SYN2: variants seen among roughly 807,000 people sequenced by gnomAD.
SYN2 encodes the protein synapsin II, also known as synapsin-2.
Under a neutral mutation model 50.9 loss-of-function variants are expected in SYN2, and 19 were observed. The observed-to-expected ratio is 0.37, with a 90% CI of 0.26 to 0.55. The LOEUF (loss-of-function observed/expected upper bound fraction) is 0.55, where lower values mean the gene tolerates loss of function less well. Among genes scored for constraint, SYN2 ranks in the 20% least tolerant of loss-of-function variants. SYN2 has a pLI of 0.81. For missense variants in SYN2, 587 were observed against 576.4 expected (o/e 1.02, Z -0.19); for synonymous variants, 255 against 224.9 (o/e 1.13, Z -1.20).
At chr3:12,033,825 C>T (rs1694434982) in intron 1 of SYN2, among the ~76,000 whole-genome samples, 1 of 152,226 alleles carries the variant, frequency 6.6e-6, no homozygotes, top group Non-Finnish European at 1.5e-5. Flanking sequence ...GATTCATCCA[C>T]ATTGTATCAT....
intron 1 of SYN2, among the ~76,000 whole-genome samples, chr3:12,096,954 A>G (rs929010162): frequency 9.2e-5 from 14 of 152,256 alleles, no homozygotes; most frequent in African/African-American, 2.9e-4. Context: ...GAGAAAGGAA[A>G]ATAGGAGCAG....
Position 12,080,008 on chromosome 3 carries a change from G to A in SYN2, c.378-60643G>A, listed in dbSNP as rs577623012. The stretch of plus-strand genomic sequence containing the variant: ...TGTTATTGGTCTTTTCAGGGATTCA[G>A]TTTCTTCCTGGTTCAGTCTTGGGAT... On this transcript the variant is annotated intron_variant, in intron 1 of 12. Transcript: ENST00000621198. Among the ~76,000 whole-genome samples the A allele has an allele frequency of 3.3e-3, 500 of 152,036 alleles. 2 individuals carry two copies. Among genetic ancestry groups the A allele is most frequent in the Non-Finnish European group, 5.2e-3 (355 of 67,910 alleles).
At chr3:12,063,862 C>A (rs1003362955) in intron 1 of SYN2, among the ~76,000 whole-genome samples, 2 of 151,910 alleles carry the variant, frequency 1.3e-5, no homozygotes, top group Non-Finnish European at 2.9e-5. Context: ...AAAAATCTAC[C>A]ATGCAGGATA....
intron 10 of SYN2, among the ~76,000 whole-genome samples, chr3:12,177,506 G>A (rs889495171): frequency 1.3e-5 from 2 of 152,138 alleles, no homozygotes; most frequent in Admixed American, 1.3e-4. Context: ...GAGTCTAAAG[G>A]GCTGTCCAGT....
At chr3:12,042,494 C>T (rs1345445130) in intron 1 of SYN2, among the ~76,000 whole-genome samples, 1 of 152,096 alleles carries the variant, frequency 6.6e-6, no homozygotes, top group Non-Finnish European at 1.5e-5. Flanking sequence ...ATGGAATTAT[C>T]CTGGGAGCTC....
At chr3:12,100,984 T>C (rs1057335170) in intron 1 of SYN2, among the ~76,000 whole-genome samples, 1 of 152,118 alleles carries the variant, frequency 6.6e-6, no homozygotes, top group African/African-American at 2.4e-5. Flanking sequence ...CAATAACAAG[T>C]GTTGGTGAAG....
chr3:12,191,213 ACAAGGATCTG>A lies in SYN2; in HGVS notation c.*591_*600del, dbSNP rs1413278004. On this transcript the variant is annotated 3_prime_UTR_variant, in exon 13 of 13. Coordinates refer to ENST00000621198, the MANE Select transcript of SYN2 (RefSeq NM_133625.6). ...CTTGAGTCTGCTGATATTCGGGAGAACAAGGATCTGCAGTTTCCCCTTTTCTCCCCTCTGA... is the reference window on the plus strand; with the variant it reads ...CTTGAGTCTGCTGATATTCGGGAGAACAGTTTCCCCTTTTCTCCCCTCTGA... The A allele has an allele frequency of 1.0e-6, 1 of 980,850 alleles. No individual in the cohort carries two copies. Among genetic ancestry groups the A allele is most frequent in the Non-Finnish European group, 1.2e-6 (1 of 825,802 alleles). 60.8% of individuals were successfully genotyped at this position (980,850 alleles called of 1,614,324 possible).
rs568227871 is a variant in SYN2, at chr3:12,046,640, C to T, written c.377+41712C>T. Among the ~76,000 whole-genome samples the T allele has an allele frequency of 4.6e-5, 7 of 151,810 alleles. No individual in the cohort carries two copies. In the South Asian group the frequency reaches 1.0e-3, roughly 23 times the overall value. Reference sequence around the variant, plus strand: ...TTGGAGGAAGGGAAGAGTGGATGTTCGGAAATTATTAAAAGGCTATTGCAA... The same window carrying T: ...TTGGAGGAAGGGAAGAGTGGATGTTTGGAAATTATTAAAAGGCTATTGCAA... On this transcript the variant is annotated intron_variant, in intron 1 of 12. Coordinates refer to ENST00000621198, the MANE Select transcript of SYN2 (RefSeq NM_133625.6).
chr3:12,175,146 A>G (rs184353811), intron 10 of SYN2, among the ~76,000 whole-genome samples: 2 of 152,340 alleles, frequency 1.3e-5, no homozygotes. Flanking sequence ...TCAACATATG[A>G]TAGCAATTCT....
At chr3:12,182,901 G>A (rs1371639565) in intron 10 of SYN2, among the ~76,000 whole-genome samples, 4 of 152,368 alleles carry the variant, frequency 2.6e-5, no homozygotes, top group African/African-American at 9.6e-5. Flanking sequence ...CTGGGGTTTG[G>A]CGTTGGCCCT....
chr3:12,039,398 C>T (rs1420357818), intron 1 of SYN2, among the ~76,000 whole-genome samples: 2 of 152,128 alleles, frequency 1.3e-5, no homozygotes, highest in Non-Finnish European at 2.9e-5. Context: ...GTTATTTCAC[C>T]AGCTGCTATG....
intron 1 of SYN2, among the ~76,000 whole-genome samples, chr3:12,068,551 T>A (rs1413176052): frequency 2.0e-5 from 3 of 152,256 alleles, no homozygotes; most frequent in African/African-American, 7.2e-5. Context: ...TGAGATATTT[T>A]CTTGAATTCC....
intron 10 of SYN2, among the ~76,000 whole-genome samples, chr3:12,171,583 TG>T (rs1254190834): frequency 2.0e-5 from 3 of 152,322 alleles, no homozygotes; most frequent in East Asian, 3.9e-4. Flanking sequence ...CTTATAAAAG[TG>T]TAAACTTTCA....
intron 1 of SYN2, among the ~76,000 whole-genome samples, chr3:12,135,664 G>A (rs995235786): frequency 2.6e-5 from 4 of 152,164 alleles, no homozygotes; most frequent in African/African-American, 9.7e-5. Context: ...TTCATGTGGA[G>A]GAGGAGAGGA....
At chr3:12,046,587 C>T (rs1057338668) in intron 1 of SYN2, among the ~76,000 whole-genome samples, 2 of 152,060 alleles carry the variant, frequency 1.3e-5, no homozygotes, top group Admixed American at 1.3e-4. Flanking sequence ...GAAATGACTG[C>T]TCTGGCTGCC....
intron 1 of SYN2, among the ~76,000 whole-genome samples, chr3:12,118,832 A>G (rs1696489004): frequency 6.6e-6 from 1 of 152,250 alleles, no homozygotes; most frequent in African/African-American, 2.4e-5. Context: ...AAGCAAAAAA[A>G]CAAAAGAAGT....
Position 12,118,837 on chromosome 3 carries a change from A to G in SYN2, c.378-21814A>G, listed in dbSNP as rs907524369. Among the ~76,000 whole-genome samples, 12 of 152,294 alleles carry G rather than the reference A, an allele frequency of 7.9e-5. No individual in the cohort carries two copies. In the East Asian group the frequency reaches 2.1e-3, roughly 27 times the overall value. ...GTAGTAGCCAAAGCAAAAAAACAAA[A>G]GAAGTGAAAGGATACAGGTAAAATT... On this transcript the variant is annotated intron_variant, in intron 1 of 12. Coordinates refer to ENST00000621198, the MANE Select transcript of SYN2 (RefSeq NM_133625.6).
chr3:12,028,204 C>T (rs932307103), intron 1 of SYN2, among the ~76,000 whole-genome samples: 11 of 151,866 alleles, frequency 7.2e-5, no homozygotes, highest in East Asian at 1.9e-4. Context: ...AGGACATGAA[C>T]TCATCATTTT....
intron 1 of SYN2, among the ~76,000 whole-genome samples, chr3:12,111,956 G>T (rs1696326499): frequency 6.6e-6 from 1 of 152,176 alleles, no homozygotes; most frequent in Non-Finnish European, 1.5e-5. Context: ...TGGCATCATT[G>T]TTGTATCCAG....
Sources: allele counts gnomAD v4.1 joint callset (sites outside exome capture counted in the v4.1 genomes callset), GRCh38; gene constraint gnomAD v4.1.1; transcripts MANE v1.5; gene names NCBI Gene and HGNC (gene_info 2026-07-23, HGNC 2026-07-21).